The following CNTLN variants were observed in gnomAD, a reference collection of about 807,000 sequenced individuals.
The protein encoded by CNTLN is centlein, centrosomal protein.
In CNTLN, 212 loss-of-function variants were observed where a neutral mutation model predicts 180.0. That is an observed-to-expected ratio of 1.18 (90% confidence interval 1.05 to 1.32). The LOEUF (loss-of-function observed/expected upper bound fraction) is 1.32. Ranked by LOEUF, CNTLN falls within the 40% of genes most tolerant of loss-of-function variation. The pLI, the probability that CNTLN is intolerant of heterozygous loss-of-function variation, is 0.00. For missense variants in CNTLN, 2,095 were observed against 1,610.9 expected (o/e 1.30, Z -5.14); for synonymous variants, 722 against 563.1 (o/e 1.28, Z -3.99).
chr9:17,283,615 C>A (rs889418937), intron 6 of CNTLN, among the ~76,000 whole-genome samples: 2 of 152,072 alleles, frequency 1.3e-5, no homozygotes, highest in Non-Finnish European at 2.9e-5. Flanking sequence ...CTGCCCTGGC[C>A]AGAACTTCCA....
At chr9:17,136,974 ATAGT>A (rs946938817) in intron 1 of CNTLN, among the ~76,000 whole-genome samples, 1 of 152,242 alleles carries the variant, frequency 6.6e-6, no homozygotes, top group East Asian at 1.9e-4. Flanking sequence ...GCCTCCCCAC[ATAGT>A]TAGGCCTTTA....
chr9:17,244,206 G>A (rs1215994344), intron 5 of CNTLN, among the ~76,000 whole-genome samples: 1 of 81,320 alleles, frequency 1.2e-5, no homozygotes, highest in Non-Finnish European at 2.1e-5. Flanking sequence ...TATAGGTTAG[G>A]TTTTTGTTTT....
chr9:17,184,694 A>G (rs1257931911), intron 2 of CNTLN, among the ~76,000 whole-genome samples: 3 of 152,178 alleles, frequency 2.0e-5, no homozygotes, highest in African/African-American at 7.2e-5. Context: ...AACTCATACT[A>G]GCATAATTGC....
intron 23 of CNTLN, among the ~76,000 whole-genome samples, chr9:17,475,046 C>A (rs190575187): frequency 6.6e-6 from 1 of 152,252 alleles, no homozygotes; most frequent in Admixed American, 6.5e-5. Flanking sequence ...TCCACTTTAG[C>A]CTTTCTTTCT....
chr9:17,161,413 C>G (rs928774741), intron 2 of CNTLN, among the ~76,000 whole-genome samples: 6 of 152,052 alleles, frequency 3.9e-5, no homozygotes, highest in African/African-American at 1.2e-4. Flanking sequence ...AGTACAACCA[C>G]TGTATTTTGT....
At chr9:17,394,476 ATAAAG>A (rs1264427978) in intron 14 of CNTLN, 53 bp from the exon 15 acceptor site, 1 of 1,152,866 alleles carries the variant, frequency 8.7e-7, no homozygotes, top group Non-Finnish European at 1.2e-6. Flanking sequence ...AGAAATGGTA[ATAAAG>A]TATAGTAGAT....
At chr9:17,415,928 C>T (rs772463472) in intron 17 of CNTLN, 38 bp from the exon 18 acceptor site, 50 of 1,585,302 alleles carry the variant, frequency 3.2e-5, no homozygotes, top group Non-Finnish European at 4.0e-5. Context: ...CAATTTAAAT[C>T]TAATTTTTAA....
chr9:17,143,852 C>A (rs901940132), intron 2 of CNTLN, among the ~76,000 whole-genome samples: 1 of 152,130 alleles, frequency 6.6e-6, no homozygotes, highest in South Asian at 2.1e-4. Context: ...ACTTAGCACT[C>A]CATATTATCC....
chr9:17,287,936 T>G (rs960794359), intron 6 of CNTLN, among the ~76,000 whole-genome samples: 2 of 144,104 alleles, frequency 1.4e-5, no homozygotes, highest in African/African-American at 5.6e-5. Flanking sequence ...CTATCAATTT[T>G]GTTGATCCTT....
chr9:17,248,108 G>T (rs1182073541), intron 5 of CNTLN, among the ~76,000 whole-genome samples: 1 of 152,180 alleles, frequency 6.6e-6, no homozygotes, highest in Non-Finnish European at 1.5e-5. Flanking sequence ...ACATAGGCGT[G>T]AGCCACTGCA....
intron 7 of CNTLN, chr9:17,299,541 T>G: frequency 1.0e-6 from 1 of 985,372 alleles, no homozygotes; most frequent in Non-Finnish European, 1.2e-6. Flanking sequence ...TAAATGATGC[T>G]TTGTAACAGT....
At chr9:17,198,990 A>G (rs1345717612) in intron 2 of CNTLN, among the ~76,000 whole-genome samples, 1 of 152,144 alleles carries the variant, frequency 6.6e-6, no homozygotes, top group African/African-American at 2.4e-5. Context: ...CAATAAACAT[A>G]CATGTGCATG....
intron 6 of CNTLN, among the ~76,000 whole-genome samples, chr9:17,280,923 C>G (rs1436127443): frequency 1.3e-5 from 2 of 152,130 alleles, no homozygotes; most frequent in African/African-American, 4.8e-5. Flanking sequence ...AATTAGTAGG[C>G]TGAGGCAGAG....
intron 5 of CNTLN, among the ~76,000 whole-genome samples, chr9:17,255,858 G>GT (rs1587357189): frequency 1.3e-5 from 2 of 151,770 alleles, no homozygotes; most frequent in East Asian, 3.9e-4. Flanking sequence ...CAGATTTTCT[G>GT]TTTTTTCATA....
At chr9:17,391,852 T>G (rs890383195) in intron 14 of CNTLN, among the ~76,000 whole-genome samples, 3 of 152,144 alleles carry the variant, frequency 2.0e-5, no homozygotes, top group African/African-American at 7.2e-5. Context: ...TGATCACATT[T>G]AATACTCCCA....
At chr9:17,173,707 G>GT (rs1248263376) in intron 2 of CNTLN, among the ~76,000 whole-genome samples, 1 of 152,100 alleles carries the variant, frequency 6.6e-6, no homozygotes, top group Admixed American at 6.5e-5. Flanking sequence ...GACTTAAAGG[G>GT]TGTTTTCAAT....
intron 1 of CNTLN, among the ~76,000 whole-genome samples, chr9:17,136,346 G>T (rs1817715344): frequency 6.6e-6 from 1 of 152,168 alleles, no homozygotes; most frequent in Non-Finnish European, 1.5e-5. Flanking sequence ...TAATAAAACA[G>T]TTCATGAAAT....
chr9:17,228,294 G>T (rs1412157052), intron 3 of CNTLN, among the ~76,000 whole-genome samples: 1 of 151,864 alleles, frequency 6.6e-6, no homozygotes, highest in Non-Finnish European at 1.5e-5. Flanking sequence ...AGTAGGGATT[G>T]TTTCATTATT....
chr9:17,166,444 A>G (rs945302704), intron 2 of CNTLN, among the ~76,000 whole-genome samples: 1 of 152,212 alleles, frequency 6.6e-6, no homozygotes, highest in African/African-American at 2.4e-5. Context: ...GACATTTTAA[A>G]GGAAGTAATT....
Sources: gnomAD v4.1 joint callset for allele counts (sites outside exome capture counted in the v4.1 genomes callset) on GRCh38, gnomAD v4.1.1 for gene constraint, MANE v1.5 for transcripts, NCBI Gene and HGNC (gene_info 2026-07-23, HGNC 2026-07-21) for gene names.